Variants in CPQ observed in about 807,000 individuals in gnomAD.
CPQ encodes carboxypeptidase Q, also known as Ser-Met dipeptidase.
A neutral mutation model predicts 45.7 loss-of-function variants in CPQ; 37 were observed. That is an observed-to-expected ratio of 0.81 (90% CI 0.62 to 1.07). CPQ has a LOEUF of 1.07. Among genes scored for constraint, CPQ ranks in the 50% least tolerant of loss-of-function variants. The pLI is 0.00. For missense variants in CPQ, 537 were observed against 572.9 expected, an observed-to-expected ratio of 0.94 and a Z score of 0.64; for synonymous variants, 186 against 205.8, an observed-to-expected ratio of 0.90 and a Z score of 0.82.
In CPQ at chr8:97,143,243, G is replaced by A. The variant is rs574306182; in HGVS notation, c.*60G>A. 69 of 1,528,438 alleles carry A rather than the reference G, an allele frequency of 4.5e-5. 1 individual carries two copies. The highest frequency in any genetic ancestry group is 2.5e-4 in the Admixed American group (14 of 56,702). 94.7% of individuals were successfully genotyped at this position (1,528,438 alleles called of 1,614,324 possible). A position where few individuals can be genotyped will look rare whatever the true frequency, so the allele number is the denominator to read the frequency against. ...CCAGGAATCCTGGGTCTGCAACTTT[G>A]GAAAACTCCTCTTCACATAACAATT... On this transcript the variant is annotated 3_prime_UTR_variant, in exon 8 of 8. Coordinates refer to ENST00000220763, the MANE Select transcript of CPQ (RefSeq NM_016134.4).
chr8:97,010,028 A>T lies in CPQ; in HGVS notation c.962-19375A>T, dbSNP rs981289600. ...CTGGAAAACTTGAAGAGGGGTTAGA[A>T]GGTGGGGCCATAGTAGATACCAGTA... On this transcript the variant is annotated intron_variant, in intron 5 of 7. Transcript: ENST00000220763. Among the ~76,000 whole-genome samples, 9 of 152,338 alleles carry T rather than the reference A, an allele frequency of 5.9e-5. No homozygotes were observed. In the East Asian group the frequency reaches 1.7e-3, roughly 29 times the overall value.
At chr8:97,001,772 A>G (rs190524681) in intron 5 of CPQ, among the ~76,000 whole-genome samples, 2 of 134,144 alleles carry the variant, frequency 1.5e-5, no homozygotes, top group Admixed American at 1.7e-4. Context: ...TGTTATCAGG[A>G]TAACACTGGC....
chr8:96,784,373 A>G (rs1810729199), intron 1 of CPQ, among the ~76,000 whole-genome samples: 2 of 148,928 alleles, frequency 1.3e-5, no homozygotes, highest in Admixed American at 6.7e-5. Flanking sequence ...TCAAGCACAG[A>G]TGAAGAAGCA....
intron 2 of CPQ, among the ~76,000 whole-genome samples, chr8:96,816,825 A>G (rs1341906186): frequency 6.6e-6 from 1 of 152,128 alleles, no homozygotes; most frequent in East Asian, 1.9e-4. Flanking sequence ...TTTTCTGAGC[A>G]GTACATCTCA....
At chr8:96,793,243 G>A (rs563549246) in intron 2 of CPQ, among the ~76,000 whole-genome samples, 38 of 152,214 alleles carry the variant, frequency 2.5e-4, no homozygotes, top group African/African-American at 6.5e-4. Context: ...CCATTTTCAC[G>A]CTGCTTATAA....
chr8:97,002,288 T>G (rs1030067550), intron 5 of CPQ, among the ~76,000 whole-genome samples: 4 of 152,148 alleles, frequency 2.6e-5, no homozygotes, highest in Admixed American at 1.3e-4. Context: ...TTTGGTTATT[T>G]CTTGTCTTCT....
chr8:97,032,799 A>G (rs1809932207), intron 6 of CPQ, among the ~76,000 whole-genome samples: 1 of 152,242 alleles, frequency 6.6e-6, no homozygotes, highest in Non-Finnish European at 1.5e-5. Context: ...TTTACTTCAA[A>G]AATAACTTTA....
At chr8:97,100,961 A>G (rs1811294419) in intron 7 of CPQ, among the ~76,000 whole-genome samples, 2 of 152,328 alleles carry the variant, frequency 1.3e-5, no homozygotes, top group South Asian at 2.1e-4. Context: ...AAATTATTGT[A>G]TATTATATAC....
At chr8:97,062,426 T>C (rs1248803614) in intron 6 of CPQ, among the ~76,000 whole-genome samples, 1 of 152,134 alleles carries the variant, frequency 6.6e-6, no homozygotes, top group Non-Finnish European at 1.5e-5. Context: ...ATCAGGCTGC[T>C]CATTAATGTT....
intron 6 of CPQ, among the ~76,000 whole-genome samples, chr8:97,046,443 C>A (rs900303907): frequency 6.6e-6 from 1 of 152,096 alleles, no homozygotes; most frequent in Non-Finnish European, 1.5e-5. Context: ...TTCCAAAGAG[C>A]TTTTATACCC....
intron 7 of CPQ, among the ~76,000 whole-genome samples, chr8:97,098,290 T>C (rs902922390): frequency 6.6e-6 from 1 of 152,206 alleles, no homozygotes; most frequent in Non-Finnish European, 1.5e-5. Context: ...GAGTCAATGA[T>C]GCACAAGACA....
intron 5 of CPQ, among the ~76,000 whole-genome samples, chr8:96,966,592 G>A (rs1813568603): frequency 6.6e-6 from 1 of 152,162 alleles, no homozygotes; most frequent in Non-Finnish European, 1.5e-5. Context: ...CTAGAAGCCA[G>A]TAGCACCCTC....
chr8:96,676,041 T>A (rs967347245), intron 1 of CPQ, among the ~76,000 whole-genome samples: 17 of 152,064 alleles, frequency 1.1e-4, no homozygotes, highest in African/African-American at 3.9e-4. Flanking sequence ...ATGTGTGATA[T>A]TTTGATACAT....
In CPQ at chr8:97,109,612, C is replaced by T. The variant is rs112950874; in HGVS notation, c.1256-33408C>T. Among the ~76,000 whole-genome samples the T allele has an allele frequency of 3.8e-3, 577 of 152,214 alleles. 2 individuals carry two copies. Among genetic ancestry groups the T allele is most frequent in the African/African-American group, 0.013 (556 of 41,522 alleles). On this transcript the variant is annotated intron_variant, in intron 7 of 7. Transcript: ENST00000220763. Reference sequence around the variant, plus strand: ...TTCAATGTCTCTTCCTCAGTGATTCCCCCTTTGGCCTGCAAACATGCTACA... The same window carrying T: ...TTCAATGTCTCTTCCTCAGTGATTCTCCCTTTGGCCTGCAAACATGCTACA...
At chr8:96,851,000 G>C (rs2130860105) in intron 3 of CPQ, among the ~76,000 whole-genome samples, 1 of 152,232 alleles carries the variant, frequency 6.6e-6, no homozygotes, top group Admixed American at 6.5e-5. Context: ...TTTTTCTGCT[G>C]TAAGTTCTAG....
intron 3 of CPQ, among the ~76,000 whole-genome samples, chr8:96,854,457 G>A (rs1018412127): frequency 2.1e-5 from 3 of 143,384 alleles, no homozygotes; most frequent in African/African-American, 5.3e-5. Flanking sequence ...CGTGAACCCG[G>A]GAGGCGGAGC....
chr8:96,764,046 A>G (rs909969568), intron 1 of CPQ, among the ~76,000 whole-genome samples: 2 of 152,140 alleles, frequency 1.3e-5, no homozygotes, highest in East Asian at 3.9e-4. Context: ...ATGCCCATAT[A>G]AAGAGTACAA....
At chr8:96,727,243 C>G (rs1051542819) in intron 1 of CPQ, among the ~76,000 whole-genome samples, 1 of 152,102 alleles carries the variant, frequency 6.6e-6, no homozygotes, top group Admixed American at 6.6e-5. Flanking sequence ...GAAGCAACAG[C>G]ATTTTTTTTC....
chr8:97,102,269 C>T (rs913643793), intron 7 of CPQ, among the ~76,000 whole-genome samples: 9 of 152,144 alleles, frequency 5.9e-5, no homozygotes, highest in Non-Finnish European at 1.3e-4. Flanking sequence ...ACGGGCTCAA[C>T]TCTGAAAGAA....
Sources: allele counts gnomAD v4.1 joint callset (sites outside exome capture counted in the v4.1 genomes callset), GRCh38; gene constraint gnomAD v4.1.1; transcripts MANE v1.5; gene names NCBI Gene and HGNC (gene_info 2026-07-23, HGNC 2026-07-21).